The following GFPT1 variants were observed in gnomAD, a reference collection of about 807,000 sequenced individuals.
GFPT1 encodes glutamine--fructose-6-phosphate aminotransferase [isomerizing] 1.
A neutral mutation model predicts 92.0 loss-of-function variants in GFPT1; 40 were observed. That is an observed-to-expected ratio of 0.43 (90% confidence interval 0.34 to 0.57). The LOEUF (loss-of-function observed/expected upper bound fraction) is 0.57, where lower values mean the gene tolerates loss of function less well. Ranked by LOEUF, GFPT1 falls within the 20% of genes least tolerant of loss-of-function variation. The pLI is 0.02. For synonymous variants in GFPT1, 269 were observed against 280.6 expected (o/e 0.96, Z 0.41); for missense variants, 448 against 869.1 (o/e 0.52, Z 6.09).
intron 15 of GFPT1, among the ~76,000 whole-genome samples, chr2:69,336,708 G>A (rs1463340125): frequency 6.6e-6 from 1 of 150,802 alleles, no homozygotes; most frequent in Non-Finnish European, 1.5e-5. Flanking sequence ...GAGATCACTT[G>A]AGCCCATGAG....
At position 69,374,124 on chromosome 2, in the gene GFPT1, A is replaced by G. The variant is rs971923620; in HGVS notation, c.8-11T>C. The G allele has an allele frequency of 1.6e-6, 2 of 1,250,302 alleles. No homozygotes were observed. Among genetic ancestry groups the G allele is most frequent in the African/African-American group, 1.5e-5 (1 of 67,702 alleles). The allele number at this position is 1,250,302 out of a possible 1,614,324, so 77.5% of individuals were successfully genotyped here. The stretch of plus-strand genomic sequence containing the variant: ...AGTAAGCAAATATACCTGCAAATAA[A>G]CAAATATTTAATGAAAAATTCTGAT... On this transcript the variant is annotated splice_polypyrimidine_tract_variant and intron_variant, in intron 1 of 19. Transcript: ENST00000357308.
At chr2:69,368,300 G>A (rs904472832) in intron 3 of GFPT1, among the ~76,000 whole-genome samples, 16 of 152,048 alleles carry the variant, frequency 1.1e-4, no homozygotes, top group African/African-American at 1.9e-4. Context: ...GGAGAATGGC[G>A]TGAACCAGGA....
At chr2:69,368,614 A>C (rs976466358) in intron 3 of GFPT1, among the ~76,000 whole-genome samples, 9 of 152,154 alleles carry the variant, frequency 5.9e-5, no homozygotes, top group Non-Finnish European at 1.0e-4. Context: ...TGGTAATCCC[A>C]GCCACTCGGG....
chr2:69,328,535 C>G, intron 17 of GFPT1, 97 bp from the exon 18 acceptor site: 3 of 826,128 alleles, frequency 3.6e-6, no homozygotes, highest in Non-Finnish European at 6.1e-6. Flanking sequence ...AAGCCACTGT[C>G]TATCTATCCA....
intron 1 of GFPT1, among the ~76,000 whole-genome samples, chr2:69,380,423 C>G (rs1645135480): frequency 1.3e-5 from 2 of 152,084 alleles, no homozygotes; most frequent in South Asian, 4.1e-4. Flanking sequence ...TTAAGACTTT[C>G]AATTATTTGT....
chr2:69,358,990 A>G (rs1410196852), intron 5 of GFPT1, among the ~76,000 whole-genome samples: 1 of 152,252 alleles, frequency 6.6e-6, no homozygotes, highest in Non-Finnish European at 1.5e-5. Context: ...ACAATCTCTC[A>G]GAATGCAAAA....
At chr2:69,364,150 C>T (rs771004162) in intron 3 of GFPT1, among the ~76,000 whole-genome samples, 28 of 150,894 alleles carry the variant, frequency 1.9e-4, no homozygotes, top group Non-Finnish European at 3.8e-4. Context: ...ACACATTGTA[C>T]GTCTGTATCA....
intron 9 of GFPT1, among the ~76,000 whole-genome samples, chr2:69,352,612 C>CAAAAAAAAAAAAAAAAAAAAAAAA (rs748958210): frequency 2.1e-5 from 1 of 47,378 alleles, no homozygotes; most frequent in African/African-American, 7.6e-5. Flanking sequence ...GACTTCGTCT[C>CAAAAAAAAAAAAAAAAAAAAAAAA]AAAAAAAAAA....
rs1670392051 is a variant in GFPT1 at position 69,321,046 on chromosome 2, T to C, written c.*5143A>G. ...TAGCTTGCTGTTCATAAAAGGATTC[T>C]GTAAGGGAAACTTTGCTCTATAATT... On this transcript the variant is annotated 3_prime_UTR_variant, in exon 20 of 20. Coordinates refer to ENST00000357308, the MANE Select transcript of GFPT1 (RefSeq NM_001244710.2). 6.6e-6 allele frequency: 1 copy of C among 152,242 alleles called. No homozygotes were observed. Among genetic ancestry groups the C allele is most frequent in the South Asian group, 2.1e-4 (1 of 4,836 alleles). 9.4% of individuals were successfully genotyped at this position (152,242 alleles called of 1,614,324 possible). A position where few individuals can be genotyped will look rare whatever the true frequency, so the allele number is the denominator to read the frequency against.
At chr2:69,362,188 G>A (rs1477893841) in intron 4 of GFPT1, among the ~76,000 whole-genome samples, 2 of 152,160 alleles carry the variant, frequency 1.3e-5, no homozygotes, top group Admixed American at 6.5e-5. Context: ...GAAGTGCAAT[G>A]GGGCAATCAT....
At chr2:69,348,435 T>A in intron 10 of GFPT1, 101 bp from the exon 11 acceptor site, 1 of 936,292 alleles carries the variant, frequency 1.1e-6, no homozygotes, top group Non-Finnish European at 1.7e-6. Flanking sequence ...ATATAAACTC[T>A]ATCACTCTGC....
intron 1 of GFPT1, among the ~76,000 whole-genome samples, chr2:69,386,269 G>T (rs1672126903): frequency 1.3e-5 from 2 of 152,210 alleles, no homozygotes; most frequent in Non-Finnish European, 1.5e-5. Context: ...CTCTAGGAAA[G>T]ATATTTGCTC....
intron 1 of GFPT1, among the ~76,000 whole-genome samples, chr2:69,377,582 C>G (rs1050103727): frequency 1.8e-4 from 28 of 151,906 alleles, no homozygotes; most frequent in East Asian, 5.8e-4. Context: ...ATAGCTTGAA[C>G]CTGGGAGGCA....
At chr2:69,360,656 C>G (rs1190885530) in intron 4 of GFPT1, among the ~76,000 whole-genome samples, 8 of 152,014 alleles carry the variant, frequency 5.3e-5, no homozygotes, top group Admixed American at 5.2e-4. Flanking sequence ...AGGCTAGTCT[C>G]CTGAGCTGAA....
At chr2:69,366,696 TCAC>T (rs1443039492) in intron 3 of GFPT1, among the ~76,000 whole-genome samples, 2 of 152,220 alleles carry the variant, frequency 1.3e-5, no homozygotes, top group Non-Finnish European at 2.9e-5. Context: ...TTTTGTCCTC[TCAC>T]CTGGTAATTA....
At position 69,384,038 on chromosome 2, in the gene GFPT1, T is replaced by C. The variant is rs1453483818; in HGVS notation, c.7+3027A>G. ...AGGGATAGCTTAAGTGACTTGACAC[T>C]CAGCAAAACCAAAAATAATGCAAAT... On this transcript the variant is annotated intron_variant, in intron 1 of 19. Coordinates refer to ENST00000357308, the MANE Select transcript of GFPT1 (RefSeq NM_001244710.2). Among the ~76,000 whole-genome samples, 6 of 152,140 alleles carry C rather than the reference T, an allele frequency of 3.9e-5. No homozygotes were observed. In the East Asian group the frequency reaches 1.2e-3, roughly 29 times the overall value.
At chr2:69,363,313 C>T (rs529842948) in intron 4 of GFPT1, among the ~76,000 whole-genome samples, 145 of 152,110 alleles carry the variant, frequency 9.5e-4, no homozygotes, top group Admixed American at 1.8e-3. Flanking sequence ...TATGTTGCCA[C>T]GGCTGATCGT....
intron 15 of GFPT1, among the ~76,000 whole-genome samples, chr2:69,335,885 G>C (rs913292837): frequency 6.6e-5 from 10 of 152,128 alleles, no homozygotes; most frequent in Admixed American, 1.3e-4. Flanking sequence ...AGCCAGGCAT[G>C]GGTAGTGGCC....
chr2:69,343,564 A>G (rs2104626718), intron 12 of GFPT1, among the ~76,000 whole-genome samples: 1 of 151,964 alleles, frequency 6.6e-6, no homozygotes, highest in East Asian at 1.9e-4. Context: ...GCCGCGAGCC[A>G]CCACGCCCAG....
Sources: gnomAD v4.1 joint callset for allele counts (sites outside exome capture counted in the v4.1 genomes callset) on GRCh38, gnomAD v4.1.1 for gene constraint, MANE v1.5 for transcripts, NCBI Gene and HGNC (gene_info 2026-07-23, HGNC 2026-07-21) for gene names.